The following AKR1C1 variants were observed in gnomAD, a reference collection of about 807,000 sequenced individuals.
AKR1C1 encodes the protein 20 alpha-hydroxysteroid dehydrogenase.
In AKR1C1, 32 loss-of-function variants were observed where a neutral mutation model predicts 40.6. The observed-to-expected ratio is 0.79, with a 90% CI of 0.60 to 1.06. The LOEUF is 1.06. Ranked by LOEUF, AKR1C1 falls within the 50% of genes least tolerant of loss-of-function variation. AKR1C1 has a pLI of 0.00. For synonymous variants in AKR1C1, 105 were observed against 134.2 expected, an observed-to-expected ratio of 0.78 and a Z score of 1.50; for missense variants, 320 against 363.5, an observed-to-expected ratio of 0.88 and a Z score of 0.97.
At chr10:4,964,090 A>C (rs563246479) in intron 1 of AKR1C1, among the ~76,000 whole-genome samples, 1 of 152,358 alleles carries the variant, frequency 6.6e-6, no homozygotes, top group African/African-American at 2.4e-5. Flanking sequence ...CTAACAAGGA[A>C]AATTTAAATT....
At chr10:4,976,953 T>G (rs1388343484) in intron 8 of AKR1C1, among the ~76,000 whole-genome samples, 1 of 152,196 alleles carries the variant, frequency 6.6e-6, no homozygotes, top group Non-Finnish European at 1.5e-5. Context: ...TTAATGTTTT[T>G]GGGGATCATG....
In AKR1C1 at chr10:4,966,087, G is replaced by A. The variant is rs774018727; in HGVS notation, c.252+6G>A. 7 of 1,610,504 alleles carry A rather than the reference G, an allele frequency of 4.3e-6. No homozygotes were observed. Among genetic ancestry groups the A allele is most frequent in the East Asian group, 2.2e-5 (1 of 44,850 alleles). ...ACATATTCTACACTTCAAAGGTACT[G>A]TGCCTATGATGAGCTTGTGTGCACA... On this transcript the variant is annotated splice_donor_region_variant and intron_variant, in intron 2 of 8. Coordinates refer to ENST00000380872, the MANE Select transcript of AKR1C1 (RefSeq NM_001353.6).
intron 5 of AKR1C1, among the ~76,000 whole-genome samples, chr10:4,970,199 C>T (rs1015247855): frequency 6.6e-6 from 1 of 152,188 alleles, no homozygotes; most frequent in African/African-American, 2.4e-5. Flanking sequence ...GATATTCTCC[C>T]AGTTCCAGTG....
At chr10:4,972,530 T>G in intron 6 of AKR1C1, 54 bp from the exon 7 acceptor site, 1 of 1,610,670 alleles carries the variant, frequency 6.2e-7, no homozygotes, top group South Asian at 1.1e-5. Context: ...GGGAGCCGCC[T>G]AACAAACTGT....
intron 5 of AKR1C1, among the ~76,000 whole-genome samples, chr10:4,969,332 A>T: frequency 6.6e-6 from 1 of 152,370 alleles, no homozygotes; most frequent in East Asian, 1.9e-4. Flanking sequence ...TGAACAGTAC[A>T]TAAGGAGAGA....
At chr10:4,970,392 A>G (rs1836404325) in intron 5 of AKR1C1, among the ~76,000 whole-genome samples, 1 of 152,090 alleles carries the variant, frequency 6.6e-6, no homozygotes, top group Non-Finnish European at 1.5e-5. Flanking sequence ...CCAGTTGTTG[A>G]AGGTTTCTGT....
At chr10:4,972,457 G>A in intron 6 of AKR1C1, 127 bp from the exon 7 acceptor site, 1 of 1,436,058 alleles carries the variant, frequency 7.0e-7, no homozygotes, top group Non-Finnish European at 9.5e-7. Flanking sequence ...GTGATGTTGA[G>A]GCTGCTGTTC....
Position 4,965,960 on chromosome 10 carries a change from C to A in AKR1C1, c.131C>A (p.Ala44Asp), listed in dbSNP as rs369850900. Reference sequence around the variant, plus strand: ...GAGGCCACCAAATTGGCAATTGAAGCTGGCTTCCGCCATATTGATTCTGCT... The same window carrying A: ...GAGGCCACCAAATTGGCAATTGAAGATGGCTTCCGCCATATTGATTCTGCT... ...ALEATKLAIEAGFRHIDSAHL... is the reference protein window; with the variant it reads ...ALEATKLAIEDGFRHIDSAHL... Residue 44 changes from alanine (A) to aspartate (D), a missense_variant, in exon 2 of 9, where the codon GCT becomes GAT. Transcript: ENST00000380872. 5 of 1,614,072 alleles carry A rather than the reference C, an allele frequency of 3.1e-6. No individual in the cohort carries two copies. In the African/African-American group the frequency reaches 6.7e-5, roughly 22 times the overall value.
intron 2 of AKR1C1, 66 bp from the exon 3 acceptor site, chr10:4,966,861 G>C: frequency 7.0e-7 from 1 of 1,420,162 alleles, no homozygotes; most frequent in Non-Finnish European, 9.7e-7. Flanking sequence ...TAAATATTAG[G>C]TGGAGCAAAC....
At chr10:4,966,367 A>G (rs936244763) in intron 2 of AKR1C1, among the ~76,000 whole-genome samples, 4 of 152,162 alleles carry the variant, frequency 2.6e-5, no homozygotes, top group African/African-American at 9.7e-5. Flanking sequence ...TCCTAATCAT[A>G]TTATATTATT....
intron 5 of AKR1C1, chr10:4,969,822 A>G: frequency 7.1e-7 from 1 of 1,417,296 alleles, no homozygotes; most frequent in Non-Finnish European, 9.6e-7. Context: ...GTTTTATTTT[A>G]TGTTTTAAAA....
rs774367194 is a variant in AKR1C1, at chr10:4,968,111, T to A, written c.370-198T>A. On this transcript the variant is annotated intron_variant, in intron 3 of 8. Transcript: ENST00000380872. Reference sequence around the variant, plus strand: ...GGTATTTATTTATACATGTAATAGTTGTAAGAGATTAGAGGGAGCCTGTCA... The same window carrying A: ...GGTATTTATTTATACATGTAATAGTAGTAAGAGATTAGAGGGAGCCTGTCA... The A allele has an allele frequency of 6.3e-5, 67 of 1,065,322 alleles. 1 individual carries two copies. Among genetic ancestry groups the A allele is most frequent in the Middle Eastern group, 5.3e-4 (2 of 3,792 alleles). The allele number at this position is 1,065,322 out of a possible 1,614,324, so 66.0% of individuals were successfully genotyped here.
In AKR1C1 at chr10:4,965,900, G is replaced by A. The variant is rs772309389; in HGVS notation, c.85-14G>A. On this transcript the variant is annotated splice_polypyrimidine_tract_variant and intron_variant, in intron 1 of 8. Transcript: ENST00000380872. ...ACATTAGTCAGAAAATACTACCTAT[G>A]GTTACTCCCCCAGGTTCCTAAAAGT... is the stretch of plus-strand genomic sequence containing the variant. 6.2e-7 allele frequency: 1 copy of A among 1,610,952 alleles called. No homozygotes were observed. The highest frequency in any genetic ancestry group is 8.5e-7 in the Non-Finnish European group (1 of 1,178,944).
chr10:4,968,099 A>G (rs1214491851), intron 3 of AKR1C1: 5 of 1,016,354 alleles, frequency 4.9e-6, no homozygotes, highest in East Asian at 2.8e-5. Context: ...ATTTATTTAT[A>G]CATGTAATAG....
chr10:4,970,935 A>C (rs538536962), intron 5 of AKR1C1, among the ~76,000 whole-genome samples: 1 of 151,874 alleles, frequency 6.6e-6, no homozygotes, highest in Non-Finnish European at 1.5e-5. Context: ...CAATGTGCAC[A>C]TGTACCCTCG....
chr10:4,969,760 C>G (rs544088283), intron 5 of AKR1C1: 1 of 1,606,146 alleles, frequency 6.2e-7, no homozygotes, highest in Admixed American at 1.7e-5. Flanking sequence ...AAATGTTACA[C>G]ACATTTCAGC....
chr10:4,975,878 G>A lies in AKR1C1; in HGVS notation c.874G>A (p.Glu292Lys), dbSNP rs1414264964. 1 of 534,314 alleles carries A rather than the reference G, an allele frequency of 1.9e-6. No individual in the cohort carries two copies. The highest frequency in any genetic ancestry group is 3.3e-6 in the Non-Finnish European group (1 of 306,674). 33.1% of individuals were successfully genotyped at this position (534,314 alleles called of 1,614,324 possible). ...QVFEFQLTSEEMKAIDGLNRN... is the reference protein window; with the variant it reads ...QVFEFQLTSEKMKAIDGLNRN... ...GTTTGAATTCCAGTTGACTTCAGAG[G>A]AGATGAAAGCCATAGATGGCCTAAA... Residue 292 changes from glutamate (E) to lysine (K), a missense_variant, in exon 8 of 9, where the codon GAG (glutamate) becomes AAG (lysine). Transcript: ENST00000380872.
chr10:4,977,762 G>A lies in AKR1C1; in HGVS notation c.*20G>A, dbSNP rs782467126. The A allele has an allele frequency of 7.5e-6, 12 of 1,605,932 alleles. No individual in the cohort carries two copies. In the Admixed American group the frequency reaches 2.0e-4, roughly 27 times the overall value. On this transcript the variant is annotated 3_prime_UTR_variant, in exon 9 of 9. Transcript: ENST00000380872. ...TATTAACATGGAGGGCATTGCATGA[G>A]GTCTGCCAGAAGGCCCTGCGTGTGG...
intron 1 of AKR1C1, among the ~76,000 whole-genome samples, chr10:4,964,565 A>T (rs1454206991): frequency 6.6e-6 from 1 of 152,208 alleles, no homozygotes; most frequent in East Asian, 1.9e-4. Context: ...TACTTTCCAG[A>T]TAGGAAAACA....
Sources: gnomAD v4.1 joint callset for allele counts (sites outside exome capture counted in the v4.1 genomes callset) on GRCh38, gnomAD v4.1.1 for gene constraint, MANE v1.5 for transcripts, NCBI Gene and HGNC (gene_info 2026-07-23, HGNC 2026-07-21) for gene names.